The following NR2C2 variants were observed in gnomAD, a reference collection of about 807,000 sequenced individuals.
NR2C2 encodes the protein nuclear receptor subfamily 2 group C member 2.
A neutral mutation model predicts 62.9 loss-of-function variants in NR2C2; 6 were observed. The observed-to-expected ratio is 0.10, with a 90% CI of 0.05 to 0.19. The LOEUF is 0.19. Among genes scored for constraint, NR2C2 ranks in the 10% least tolerant of loss-of-function variants. The pLI, the probability that NR2C2 is intolerant of heterozygous loss-of-function variation, is 1.00. For synonymous variants in NR2C2, 272 were observed against 273.8 expected (o/e 0.99, Z 0.07); for missense variants, 479 against 762.7 (o/e 0.63, Z 4.38).
intron 10 of NR2C2, among the ~76,000 whole-genome samples, chr3:15,032,973 C>A (rs942451045): frequency 6.7e-6 from 1 of 149,916 alleles, no homozygotes; most frequent in Non-Finnish European, 1.5e-5. Flanking sequence ...AACCCCCCCC[C>A]CTTTTCTTGC....
chr3:15,004,875 G>A (rs936089706), intron 2 of NR2C2, among the ~76,000 whole-genome samples: 1 of 152,124 alleles, frequency 6.6e-6, no homozygotes, highest in East Asian at 1.9e-4. Flanking sequence ...AAGCGATGGA[G>A]AATTAACCCC....
intron 2 of NR2C2, among the ~76,000 whole-genome samples, chr3:15,008,219 TG>T (rs112715787): frequency 0.3 from 44,733 of 148,496 alleles, 7,253 homozygotes; most frequent in African/African-American, 0.4. Flanking sequence ...TTTGTTTGTT[TG>T]TTTTTTTTTT....
chr3:14,995,375 A>G (rs1036572764), intron 1 of NR2C2, among the ~76,000 whole-genome samples: 2 of 150,524 alleles, frequency 1.3e-5, no homozygotes, highest in African/African-American at 4.9e-5. Flanking sequence ...AGCCCTAGGC[A>G]ACTGCTACTT....
chr3:15,033,382 C>T (rs2042027375), intron 10 of NR2C2, among the ~76,000 whole-genome samples: 1 of 152,162 alleles, frequency 6.6e-6, no homozygotes, highest in Admixed American at 6.5e-5. Flanking sequence ...AAGCTCTTAA[C>T]CCAGTGCCTG....
At chr3:14,953,911 AC>A (rs1469987420) in intron 1 of NR2C2, among the ~76,000 whole-genome samples, 2 of 151,718 alleles carry the variant, frequency 1.3e-5, no homozygotes, top group East Asian at 1.9e-4. Context: ...AAAAAAAAAA[AC>A]AACTGAGGCT....
intron 1 of NR2C2, among the ~76,000 whole-genome samples, chr3:14,973,911 A>C (rs927386504): frequency 6.6e-6 from 1 of 152,224 alleles, no homozygotes; most frequent in Non-Finnish European, 1.5e-5. Flanking sequence ...CAAGTCTGAA[A>C]TGCATTTTAT....
At chr3:14,958,206 C>T (rs1303172644) in intron 1 of NR2C2, among the ~76,000 whole-genome samples, 1 of 152,192 alleles carries the variant, frequency 6.6e-6, no homozygotes, top group African/African-American at 2.4e-5. Context: ...GTTTATTCTC[C>T]TCTTTCTCCT....
chr3:14,988,937 GT>G (rs1202320155), intron 1 of NR2C2, among the ~76,000 whole-genome samples: 3 of 152,102 alleles, frequency 2.0e-5, no homozygotes, highest in Non-Finnish European at 4.4e-5. Flanking sequence ...ATTCTCAAAT[GT>G]TTTCTTTCAG....
In NR2C2 at chr3:15,024,225, A is replaced by T; in HGVS notation, c.798+17A>T. ...GATTCTAAGGTGACGTTCTCTACTC[A>T]TGCTCTCTCTCATCCTTTATGTTGA... On this transcript the variant is annotated intron_variant, in intron 7 of 13. Coordinates refer to ENST00000425241, the MANE Select transcript of NR2C2 (RefSeq NM_001291694.2). The T allele has an allele frequency of 6.5e-7, 1 of 1,546,716 alleles. No individual in the cohort carries two copies. The highest frequency in any genetic ancestry group is 8.9e-7 in the Non-Finnish European group (1 of 1,129,430).
intron 1 of NR2C2, among the ~76,000 whole-genome samples, chr3:14,981,031 G>C (rs2040351203): frequency 6.6e-6 from 1 of 152,198 alleles, no homozygotes; most frequent in Non-Finnish European, 1.5e-5. Context: ...ACTGGCATCA[G>C]GTCTCTATTG....
At chr3:15,037,464 C>T (rs2042136789) in intron 11 of NR2C2, among the ~76,000 whole-genome samples, 2 of 152,072 alleles carry the variant, frequency 1.3e-5, no homozygotes, top group South Asian at 4.1e-4. Context: ...TGTTCTGAAG[C>T]CAGGCATGGT....
intron 1 of NR2C2, among the ~76,000 whole-genome samples, chr3:14,963,055 A>G (rs1231040236): frequency 6.6e-6 from 1 of 152,172 alleles, no homozygotes; most frequent in Non-Finnish European, 1.5e-5. Flanking sequence ...ATGAGTAAGC[A>G]TTTGTCAGAC....
At chr3:15,031,372 T>A (rs79563555) in intron 9 of NR2C2, among the ~76,000 whole-genome samples, 11 of 52,020 alleles carry the variant, frequency 2.1e-4, no homozygotes, top group African/African-American at 5.7e-4. Flanking sequence ...CCCCCAGTAT[T>A]TTTTTTTTTT....
chr3:14,957,375 C>G (rs1256873831), intron 1 of NR2C2, among the ~76,000 whole-genome samples: 1 of 152,174 alleles, frequency 6.6e-6, no homozygotes, highest in African/African-American at 2.4e-5. Flanking sequence ...TGCCCTACTT[C>G]ACTAAAGAAA....
Position 14,994,026 on chromosome 3 carries a change from A to AC in NR2C2, c.-39-9849dup, listed in dbSNP as rs774070856. On this transcript the variant is annotated intron_variant, in intron 1 of 13. Coordinates refer to ENST00000425241, the MANE Select transcript of NR2C2 (RefSeq NM_001291694.2). ...GGCCACATCTGGTTGCCCTGTGCGC[A>AC]CAACCCCAACATGGCACAGAGTAAG... Among the ~76,000 whole-genome samples, 60 of 152,152 alleles carry AC rather than the reference A, an allele frequency of 3.9e-4. 1 individual carries two copies. Among genetic ancestry groups the AC allele is most frequent in the Non-Finnish European group, 8.4e-4 (57 of 68,026 alleles).
chr3:15,029,603 C>T (rs2041911890), intron 8 of NR2C2, among the ~76,000 whole-genome samples: 1 of 152,092 alleles, frequency 6.6e-6, no homozygotes, highest in African/African-American at 2.4e-5. Flanking sequence ...ACTGTAAGCT[C>T]AGCATTCACA....
Position 15,048,494 on chromosome 3 carries a change from A to AT in NR2C2, c.*5487dup. The AT allele has an allele frequency of 6.6e-6, 1 of 152,648 alleles. No individual in the cohort carries two copies. The highest frequency in any genetic ancestry group is 1.9e-4 in the East Asian group (1 of 5,208). The allele number at this position is 152,648 out of a possible 1,614,324, so 9.5% of individuals were successfully genotyped here. On this transcript the variant is annotated 3_prime_UTR_variant, in exon 14 of 14. Coordinates refer to ENST00000425241, the MANE Select transcript of NR2C2 (RefSeq NM_001291694.2). Reference sequence around the variant, plus strand: ...AGCTATAAATAATTTTGGTGTCTTGATATTTATACATGCAAAATAGAAAAA... The same window carrying AT: ...AGCTATAAATAATTTTGGTGTCTTGATTATTTATACATGCAAAATAGAAAAA...
rs761491317 is a variant in NR2C2, at chr3:15,034,647, C to CA, written c.1233-22dup. 1.6e-5 allele frequency: 26 copies of CA among 1,611,286 alleles called. No homozygotes were observed. In the South Asian group the frequency reaches 2.6e-4, roughly 16 times the overall value. ...GAGAAATGCCAACACACACCACACT[C>CA]AGACTCCTTTCTATATTCCTAGGCA... On this transcript the variant is annotated intron_variant, in intron 10 of 13. Transcript: ENST00000425241.
At chr3:14,948,457 G>T (rs1408646664) in intron 1 of NR2C2, 1 of 152,284 alleles carries the variant, frequency 6.6e-6, no homozygotes, top group East Asian at 1.9e-4. Flanking sequence ...CCAGATAGGA[G>T]GGCCGGGGCC....
Sources: allele counts gnomAD v4.1 joint callset (sites outside exome capture counted in the v4.1 genomes callset), GRCh38; gene constraint gnomAD v4.1.1; transcripts MANE v1.5; gene names NCBI Gene and HGNC (gene_info 2026-07-23, HGNC 2026-07-21).